FTO: variants seen among roughly 807,000 people sequenced by gnomAD.
The protein encoded by FTO is alpha-ketoglutarate-dependent dioxygenase FTO.
In FTO, 47 loss-of-function variants were observed where a neutral mutation model predicts 63.9. The ratio of observed to expected loss-of-function variants is 0.74; its 90% CI spans 0.58 to 0.94. The LOEUF (loss-of-function observed/expected upper bound fraction) is 0.94. Among genes scored for constraint, FTO ranks in the 40% least tolerant of loss-of-function variants. The probability of loss-of-function intolerance (pLI) is 0.00; values close to 1 mark genes in which losing one functional copy is unlikely to be tolerated. For synonymous variants in FTO, 207 were observed against 224.4 expected, an observed-to-expected ratio of 0.92 and a Z score of 0.69; for missense variants, 562 against 618.1, an observed-to-expected ratio of 0.91 and a Z score of 0.96.
intron 1 of FTO, among the ~76,000 whole-genome samples, chr16:53,710,369 G>A (rs1258233925): frequency 6.6e-6 from 1 of 150,966 alleles, no homozygotes; most frequent in African/African-American, 2.4e-5. Context: ...GAGTTCAAGC[G>A]ATTCTTCTGC....
chr16:53,815,091 G>C (rs934937011), intron 2 of FTO, among the ~76,000 whole-genome samples: 24 of 151,638 alleles, frequency 1.6e-4, no homozygotes, highest in African/African-American at 5.6e-4. Context: ...GTCAGAGAGA[G>C]AGAGAGAGAG....
chr16:54,086,780 T>C (rs976874484), intron 8 of FTO, among the ~76,000 whole-genome samples: 1 of 152,212 alleles, frequency 6.6e-6, no homozygotes, highest in African/African-American at 2.4e-5. Context: ...TTGGACACAA[T>C]TGAAGTCAAA....
chr16:53,862,059 G>A (rs2080189416), intron 4 of FTO, among the ~76,000 whole-genome samples: 1 of 152,070 alleles, frequency 6.6e-6, no homozygotes, highest in Admixed American at 6.5e-5. Flanking sequence ...AGACCAGCCT[G>A]GCCAACACAG....
intron 1 of FTO, among the ~76,000 whole-genome samples, chr16:53,741,104 C>T (rs1049138198): frequency 6.6e-6 from 1 of 152,110 alleles, no homozygotes; most frequent in Admixed American, 6.5e-5. Context: ...AATTGTTTCC[C>T]CAAATAAAGT....
At chr16:53,783,457 A>G (rs1444827334) in intron 1 of FTO, among the ~76,000 whole-genome samples, 1 of 151,960 alleles carries the variant, frequency 6.6e-6, no homozygotes, top group Non-Finnish European at 1.5e-5. Flanking sequence ...AATACAAAAA[A>G]TTAGCCAGGG....
intron 8 of FTO, among the ~76,000 whole-genome samples, chr16:54,104,553 T>G (rs182422727): frequency 6.6e-6 from 1 of 152,210 alleles, no homozygotes; most frequent in Admixed American, 6.5e-5. Context: ...CCTCGTGATC[T>G]GCCCACCTCA....
chr16:54,033,228 C>T (rs1205941624), intron 8 of FTO, among the ~76,000 whole-genome samples: 1 of 152,118 alleles, frequency 6.6e-6, no homozygotes, highest in Admixed American at 6.5e-5. Context: ...TTTTCACCTG[C>T]TTGAAGAGAT....
chr16:53,884,569 T>C (rs2080948383), intron 6 of FTO, among the ~76,000 whole-genome samples: 1 of 152,204 alleles, frequency 6.6e-6, no homozygotes, highest in Non-Finnish European at 1.5e-5. Flanking sequence ...TATGGCTGAC[T>C]TGGGACCAAA....
At position 53,783,184 on chromosome 16, in the gene FTO, A is replaced by T. The variant is rs1213465986; in HGVS notation, c.46-26956A>T. Among the ~76,000 whole-genome samples the T allele has an allele frequency of 5.3e-5, 8 of 152,244 alleles. No homozygotes were observed. The East Asian group carries it at 1.4e-3, about 26-fold the overall frequency. ...CTAAATTGGGCCCACTGTATTTTTT[A>T]AAAATTTAATTTGACTGCTGGGTGC... On this transcript the variant is annotated intron_variant, in intron 1 of 8. Transcript: ENST00000471389.
At chr16:53,753,434 A>G (rs1171601121) in intron 1 of FTO, among the ~76,000 whole-genome samples, 1 of 151,362 alleles carries the variant, frequency 6.6e-6, no homozygotes, top group Non-Finnish European at 1.5e-5. Context: ...TTGTTGGCAT[A>G]ATTGGAAGAA....
At position 54,112,456 on chromosome 16, in the gene FTO, CAT is replaced by C. The variant is rs1349679512; in HGVS notation, c.*542_*543del. The C allele has an allele frequency of 2.9e-5, 5 of 173,704 alleles. No individual in the cohort carries two copies. The highest frequency in any genetic ancestry group is 1.2e-4 in the African/African-American group (5 of 41,736). The allele number at this position is 173,704 out of a possible 1,614,324, so 10.8% of individuals were successfully genotyped here. On this transcript the variant is annotated 3_prime_UTR_variant, in exon 9 of 9. Transcript: ENST00000471389. ...CCACATTTCAAGTGCTTAACAGCCT[CAT>C]GTGGCTAGTGACTGCTGTATTGGAC...
At chr16:53,766,842 G>A (rs9940128) in intron 1 of FTO, among the ~76,000 whole-genome samples, 63,142 of 151,796 alleles carry the variant, frequency 0.42, 13,350 homozygotes, top group Non-Finnish European at 0.44. Context: ...CACCTTTTCC[G>A]GTCTCTGGGT....
chr16:53,773,507 G>A (rs868772514), intron 1 of FTO, among the ~76,000 whole-genome samples: 2 of 152,116 alleles, frequency 1.3e-5, no homozygotes, highest in African/African-American at 4.8e-5. Flanking sequence ...TGCACCTCTT[G>A]TGGTCATGGC....
chr16:53,903,053 T>A (rs1230836072), intron 7 of FTO, among the ~76,000 whole-genome samples: 1 of 152,130 alleles, frequency 6.6e-6, no homozygotes, highest in Non-Finnish European at 1.5e-5. Context: ...GAGGTTACAG[T>A]GAGCTGTGGT....
chr16:53,835,461 G>A (rs1342713340), intron 3 of FTO, among the ~76,000 whole-genome samples: 1 of 152,040 alleles, frequency 6.6e-6, no homozygotes, highest in East Asian at 1.9e-4. Flanking sequence ...GGTATATGTA[G>A]GTTCTTCCAG....
chr16:54,036,191 G>A (rs1322678480), intron 8 of FTO, among the ~76,000 whole-genome samples: 3 of 152,096 alleles, frequency 2.0e-5, no homozygotes, highest in Non-Finnish European at 4.4e-5. Flanking sequence ...CTATTTTAAG[G>A]TTCCTATTGG....
chr16:54,056,794 A>G (rs1795098718), intron 8 of FTO, among the ~76,000 whole-genome samples: 1 of 152,232 alleles, frequency 6.6e-6, no homozygotes, highest in Admixed American at 6.5e-5. Flanking sequence ...ATCAGCTCCC[A>G]AATTCCTGAC....
Position 54,115,809 on chromosome 16 carries a change from T to C in FTO, c.*3894T>C, listed in dbSNP as rs1187671093. 3 of 152,214 alleles carry C rather than the reference T, an allele frequency of 2.0e-5. No individual in the cohort carries two copies. Among genetic ancestry groups the C allele is most frequent in the Non-Finnish European group, 4.4e-5 (3 of 68,064 alleles). The allele number at this position is 152,214 out of a possible 1,614,324, so 9.4% of individuals were successfully genotyped here. ...ATATTTTTATGCATTAGATCATCGC[T>C]CTATCTGGATTCCAGAGGGTCTCTG... On this transcript the variant is annotated 3_prime_UTR_variant, in exon 9 of 9. Transcript: ENST00000471389.
chr16:53,888,745 T>G (rs2081073241), intron 6 of FTO, 87 bp from the exon 7 acceptor site: 2 of 1,413,796 alleles, frequency 1.4e-6, no homozygotes, highest in Non-Finnish European at 2.0e-6. Flanking sequence ...ATCAAGTTAC[T>G]GGAGGAGAAT....
Sources: allele counts gnomAD v4.1 joint callset (sites outside exome capture counted in the v4.1 genomes callset), GRCh38; gene constraint gnomAD v4.1.1; transcripts MANE v1.5; gene names NCBI Gene and HGNC (gene_info 2026-07-23, HGNC 2026-07-21).